ERBB4: variants seen among roughly 807,000 people sequenced by gnomAD.
ERBB4 encodes erb-b2 receptor tyrosine kinase 4, also known as receptor tyrosine-protein kinase erbB-4.
In ERBB4, 42 loss-of-function variants were observed where a neutral mutation model predicts 158.0. The ratio of observed to expected loss-of-function variants is 0.27; its 90% confidence interval spans 0.21 to 0.34. The LOEUF is 0.34. ERBB4 is among the 10% of genes least tolerant of loss of function. The pLI is 1.00. For missense variants in ERBB4, 1,333 were observed against 1,624.1 expected (o/e 0.82, Z 3.08); for synonymous variants, 583 against 558.7 (o/e 1.04, Z -0.61).
chr2:212,338,427 T>C (rs1025777956), intron 1 of ERBB4, among the ~76,000 whole-genome samples: 2 of 152,136 alleles, frequency 1.3e-5, no homozygotes, highest in Non-Finnish European at 2.9e-5. Context: ...GGTGGCTGTT[T>C]TAATTATCCA....
intron 3 of ERBB4, among the ~76,000 whole-genome samples, chr2:211,827,066 A>G (rs1197307240): frequency 3.3e-5 from 5 of 151,964 alleles, no homozygotes; most frequent in African/African-American, 9.7e-5. Flanking sequence ...ATAATCCAAA[A>G]TTTATTATGG....
At chr2:211,847,780 A>G (rs1161976954) in intron 3 of ERBB4, among the ~76,000 whole-genome samples, 3 of 152,238 alleles carry the variant, frequency 2.0e-5, no homozygotes, top group Admixed American at 6.5e-5. Context: ...CCAGTAGTGC[A>G]ATTATTGAGG....
At chr2:211,579,459 A>C (rs73029685) in intron 19 of ERBB4, among the ~76,000 whole-genome samples, 3 of 152,186 alleles carry the variant, frequency 2.0e-5, no homozygotes, top group Non-Finnish European at 4.4e-5. Context: ...TATGTACCTA[A>C]AGGAATATAA....
chr2:212,459,198 G>A (rs1453341759), intron 1 of ERBB4, among the ~76,000 whole-genome samples: 2 of 150,716 alleles, frequency 1.3e-5, no homozygotes, highest in Non-Finnish European at 3.0e-5. Flanking sequence ...TCTTTGAGTT[G>A]TTTTTTTTTA....
chr2:211,485,391 T>C (rs897289881), intron 20 of ERBB4, among the ~76,000 whole-genome samples: 2 of 152,140 alleles, frequency 1.3e-5, no homozygotes, highest in East Asian at 1.9e-4. Flanking sequence ...GGAAAAACTA[T>C]AGACCAGCAG....
chr2:212,314,196 T>C (rs2087168434), intron 1 of ERBB4, among the ~76,000 whole-genome samples: 1 of 151,210 alleles, frequency 6.6e-6, no homozygotes, highest in South Asian at 2.1e-4. Context: ...GCCAAAAATA[T>C]TTTTAAAAGC....
chr2:212,124,505 T>G (rs2079857859), intron 2 of ERBB4: 1 of 510,626 alleles, frequency 2.0e-6, no homozygotes, highest in Non-Finnish European at 3.6e-6. Flanking sequence ...TACTACATGG[T>G]GACAGAATCT....
chr2:211,848,324 A>C (rs2077638123), intron 3 of ERBB4, among the ~76,000 whole-genome samples: 1 of 152,114 alleles, frequency 6.6e-6, no homozygotes, highest in Admixed American at 6.6e-5. Flanking sequence ...AATAAAAACA[A>C]AACAAAACAA....
intron 1 of ERBB4, among the ~76,000 whole-genome samples, chr2:212,150,323 ATC>A (rs1350225905): frequency 6.6e-6 from 1 of 152,136 alleles, no homozygotes; most frequent in Non-Finnish European, 1.5e-5. Context: ...TTCTCCCTGC[ATC>A]TCTGTCTTCA....
intron 1 of ERBB4, among the ~76,000 whole-genome samples, chr2:212,371,157 C>T (rs1271912109): frequency 6.6e-6 from 1 of 152,104 alleles, no homozygotes; most frequent in East Asian, 1.9e-4. Context: ...CTTGGTTTTT[C>T]CCCAGCCTAT....
chr2:211,536,563 G>A (rs949040765), intron 20 of ERBB4, among the ~76,000 whole-genome samples: 5 of 151,908 alleles, frequency 3.3e-5, no homozygotes, highest in African/African-American at 9.7e-5. Flanking sequence ...TGGGAAAATA[G>A]GAAATATCAA....
intron 1 of ERBB4, among the ~76,000 whole-genome samples, chr2:212,415,117 C>A (rs1055189304): frequency 2.0e-5 from 3 of 152,088 alleles, no homozygotes; most frequent in African/African-American, 7.2e-5. Flanking sequence ...GGTCTGGAAC[C>A]TAATTTTCTT....
At chr2:211,410,626 A>G (rs1315367954) in intron 25 of ERBB4, among the ~76,000 whole-genome samples, 1 of 152,212 alleles carries the variant, frequency 6.6e-6, no homozygotes, top group African/African-American at 2.4e-5. Flanking sequence ...ACAAAGTTCA[A>G]ATCTACTAGA....
At chr2:212,510,199 C>T (rs908712332) in intron 1 of ERBB4, among the ~76,000 whole-genome samples, 16 of 107,312 alleles carry the variant, frequency 1.5e-4, no homozygotes, top group African/African-American at 6.4e-4. Flanking sequence ...CCATCCTAAC[C>T]ACACAGTATA....
At chr2:211,810,390 T>C (rs1318089564) in intron 3 of ERBB4, among the ~76,000 whole-genome samples, 2 of 152,192 alleles carry the variant, frequency 1.3e-5, no homozygotes, top group African/African-American at 4.8e-5. Context: ...TGGGTGCATA[T>C]ATATTTAGGA....
chr2:211,728,672 T>A (rs890119283), intron 5 of ERBB4, among the ~76,000 whole-genome samples: 3 of 151,880 alleles, frequency 2.0e-5, no homozygotes, highest in African/African-American at 7.2e-5. Flanking sequence ...GGAGAGTTTA[T>A]CAATTTGCTT....
chr2:211,723,995 A>G (rs2074185532), intron 6 of ERBB4, among the ~76,000 whole-genome samples: 1 of 152,180 alleles, frequency 6.6e-6, no homozygotes, highest in African/African-American at 2.4e-5. Flanking sequence ...ACTGCATGCA[A>G]AACTTCTAAG....
At chr2:211,727,883 C>CTA (rs2074315402) in intron 5 of ERBB4, among the ~76,000 whole-genome samples, 1 of 151,834 alleles carries the variant, frequency 6.6e-6, no homozygotes, top group South Asian at 2.1e-4. Context: ...AGGTTACATG[C>CTA]TATTTTTTAC....
At chr2:212,017,634 G>A (rs2076558627) in intron 2 of ERBB4, among the ~76,000 whole-genome samples, 1 of 151,982 alleles carries the variant, frequency 6.6e-6, no homozygotes, top group Non-Finnish European at 1.5e-5. Flanking sequence ...GGCATTTTTA[G>A]GAAGACATTC....
Sources: gnomAD v4.1 joint callset for allele counts (sites outside exome capture counted in the v4.1 genomes callset) on GRCh38, gnomAD v4.1.1 for gene constraint, MANE v1.5 for transcripts, NCBI Gene and HGNC (gene_info 2026-07-23, HGNC 2026-07-21) for gene names.